The following DLGAP2 variants were observed in gnomAD, a reference collection of about 807,000 sequenced individuals.
DLGAP2 encodes the protein DLG associated protein 2, also known as disks large-associated protein 2.
Under a neutral mutation model 100.3 loss-of-function variants are expected in DLGAP2, and 26 were observed. The observed-to-expected ratio is 0.26, with a 90% CI of 0.19 to 0.36. The LOEUF (loss-of-function observed/expected upper bound fraction) is 0.36. DLGAP2 is among the 10% of genes least tolerant of loss of function. The pLI is 1.00. For synonymous variants in DLGAP2, 886 were observed against 630.1 expected (o/e 1.41, Z -6.08); for missense variants, 1,858 against 1,453.2 (o/e 1.28, Z -4.53).
chr8:1,500,893 C>G (rs908940491), intron 3 of DLGAP2, among the ~76,000 whole-genome samples: 1 of 152,210 alleles, frequency 6.6e-6, no homozygotes, highest in Non-Finnish European at 1.5e-5. Flanking sequence ...CAAATGCAGG[C>G]TTTGAACATT....
chr8:923,585 G>A (rs1174870956), intron 2 of DLGAP2, among the ~76,000 whole-genome samples: 2 of 152,230 alleles, frequency 1.3e-5, no homozygotes, highest in Non-Finnish European at 2.9e-5. Context: ...ACGTTTAAGT[G>A]TATCTTTTTA....
intron 1 of DLGAP2, among the ~76,000 whole-genome samples, chr8:827,131 G>C (rs1438187443): frequency 6.6e-6 from 1 of 152,164 alleles, no homozygotes; most frequent in Non-Finnish European, 1.5e-5. Context: ...TCATGGTGGG[G>C]GATGCCACAG....
At chr8:1,460,621 T>G (rs1309947731) in intron 3 of DLGAP2, among the ~76,000 whole-genome samples, 1 of 152,238 alleles carries the variant, frequency 6.6e-6, no homozygotes, top group Non-Finnish European at 1.5e-5. Flanking sequence ...TAAAATTTGA[T>G]TCTTTTTTGC....
At chr8:1,322,832 C>A (rs945547830) in intron 3 of DLGAP2, among the ~76,000 whole-genome samples, 1 of 152,166 alleles carries the variant, frequency 6.6e-6, no homozygotes. Flanking sequence ...TTTAATGGTC[C>A]TATATTTGTA....
At position 874,379 on chromosome 8, in the gene DLGAP2, C is replaced by T. The variant is rs1021159245; in HGVS notation, c.19-33533C>T. Among the ~76,000 whole-genome samples the T allele has an allele frequency of 5.3e-5, 8 of 152,226 alleles. No individual in the cohort carries two copies. The East Asian group carries it at 1.5e-3, about 29-fold the overall frequency. The stretch of plus-strand genomic sequence containing the variant: ...CTTGAACCCTGCTTTGGCTGCATCT[C>T]ATAAGGTTTGATGTGTTGAGTCTTC... On this transcript the variant is annotated intron_variant, in intron 1 of 14. Coordinates refer to ENST00000637795, the MANE Select transcript of DLGAP2 (RefSeq NM_001346810.2).
chr8:1,603,012 C>G (rs1413696737), intron 6 of DLGAP2, among the ~76,000 whole-genome samples: 1 of 152,154 alleles, frequency 6.6e-6, no homozygotes, highest in Non-Finnish European at 1.5e-5. Flanking sequence ...GGTCTCAGTT[C>G]TGCAGAGGCT....
chr8:1,437,611 T>G (rs971153693), intron 3 of DLGAP2, among the ~76,000 whole-genome samples: 2 of 152,128 alleles, frequency 1.3e-5, no homozygotes, highest in African/African-American at 2.4e-5. Flanking sequence ...TTCCTAATTG[T>G]GTGAGGAAAA....
In DLGAP2 at chr8:902,072, A is replaced by C. The variant is rs975808697; in HGVS notation, c.19-5840A>C. Among the ~76,000 whole-genome samples the C allele has an allele frequency of 4.6e-5, 7 of 152,190 alleles. No individual in the cohort carries two copies. In the East Asian group the frequency reaches 1.4e-3, roughly 29 times the overall value. On this transcript the variant is annotated intron_variant, in intron 1 of 14. Transcript: ENST00000637795. Reference sequence around the variant, plus strand: ...GGAACCGAGGAACCCTGGTGGGTCCACCGCAGAGGGATTGCTCAGGAATGT... The same window carrying C: ...GGAACCGAGGAACCCTGGTGGGTCCCCCGCAGAGGGATTGCTCAGGAATGT...
At chr8:1,627,092 C>G (rs942966011) in intron 7 of DLGAP2, among the ~76,000 whole-genome samples, 2 of 152,224 alleles carry the variant, frequency 1.3e-5, no homozygotes, top group African/African-American at 4.8e-5. Context: ...TGTATAACTC[C>G]ATATCATTTT....
At chr8:1,350,594 G>A (rs1286638254) in intron 3 of DLGAP2, among the ~76,000 whole-genome samples, 1 of 57,550 alleles carries the variant, frequency 1.7e-5, no homozygotes, top group Non-Finnish European at 3.5e-5. Context: ...CTGACTGTGC[G>A]TGGAAAGGCC....
chr8:975,739 T>C (rs1176658576), intron 2 of DLGAP2, among the ~76,000 whole-genome samples: 1 of 152,172 alleles, frequency 6.6e-6, no homozygotes, highest in Admixed American at 6.5e-5. Context: ...CTCAACTTGA[T>C]AAGGAATATT....
intron 5 of DLGAP2, among the ~76,000 whole-genome samples, chr8:1,561,232 G>C (rs948436158): frequency 7.6e-6 from 1 of 131,640 alleles, no homozygotes; most frequent in Non-Finnish European, 1.7e-5. Context: ...AACTGAGTCA[G>C]TTAAACCTCT....
chr8:1,456,531 C>T (rs1384121686), intron 3 of DLGAP2, among the ~76,000 whole-genome samples: 1 of 152,166 alleles, frequency 6.6e-6, no homozygotes, highest in Non-Finnish European at 1.5e-5. Flanking sequence ...CCAGAAAAGG[C>T]CCATTTCATA....
chr8:1,548,744 C>G lies in DLGAP2; in HGVS notation c.291C>G (p.His97Gln). The change falls in exon 5 of 15, where the codon CAC becomes CAG. Residue 97 changes from histidine to glutamine, a missense_variant. Transcript: ENST00000637795. ...CCCAGCCGCCGCTGTGTTCCGGGCA[C>G]ACGTGTGGTCTGGCGCCCCCGGAGG... is the stretch of plus-strand genomic sequence containing the variant. ...SRTQPPLCSG[H>Q]TCGLAPPEDC... 2 of 1,605,830 alleles carry G rather than the reference C, an allele frequency of 1.2e-6. No homozygotes were observed. The highest frequency in any genetic ancestry group is 2.7e-5 in the African/African-American group (2 of 74,892).
At chr8:828,819 C>T (rs1349377991) in intron 1 of DLGAP2, among the ~76,000 whole-genome samples, 1 of 152,160 alleles carries the variant, frequency 6.6e-6, no homozygotes, top group African/African-American at 2.4e-5. Flanking sequence ...CTTCACAATC[C>T]ACGTTCTTCT....
chr8:1,138,167 C>T (rs953159374), intron 2 of DLGAP2, among the ~76,000 whole-genome samples: 1 of 152,236 alleles, frequency 6.6e-6, no homozygotes, highest in East Asian at 1.9e-4. Flanking sequence ...GGGGTGTCTC[C>T]CAGCTCACTG....
At chr8:997,911 T>C (rs11784692) in intron 2 of DLGAP2, among the ~76,000 whole-genome samples, 1 of 151,710 alleles carries the variant, frequency 6.6e-6, no homozygotes, top group Non-Finnish European at 1.5e-5. Flanking sequence ...CATGCATGCA[T>C]ACAAACATGC....
intron 5 of DLGAP2, among the ~76,000 whole-genome samples, chr8:1,562,540 C>T (rs1183138718): frequency 2.5e-5 from 1 of 40,154 alleles, no homozygotes; most frequent in African/African-American, 1.0e-4. Flanking sequence ...TACTGGGGGA[C>T]TGTGTGGTGT....
At chr8:1,093,604 G>A (rs1000717207) in intron 2 of DLGAP2, among the ~76,000 whole-genome samples, 1 of 151,866 alleles carries the variant, frequency 6.6e-6, no homozygotes, top group African/African-American at 2.4e-5. Context: ...CTGACAGACA[G>A]AAACACCTTC....
Sources: gnomAD v4.1 joint callset for allele counts (sites outside exome capture counted in the v4.1 genomes callset) on GRCh38, gnomAD v4.1.1 for gene constraint, MANE v1.5 for transcripts, NCBI Gene and HGNC (gene_info 2026-07-23, HGNC 2026-07-21) for gene names.